The following GDAP1 variants were observed in gnomAD, a reference collection of about 807,000 sequenced individuals.
GDAP1 encodes ganglioside induced differentiation associated protein 1.
Under a neutral mutation model 40.1 loss-of-function variants are expected in GDAP1, and 34 were observed. The observed-to-expected ratio is 0.85, with a 90% CI of 0.64 to 1.13. GDAP1 has a LOEUF of 1.13. Ranked by LOEUF, GDAP1 falls within the 50% of genes most tolerant of loss-of-function variation. GDAP1 has a pLI of 0.00. For synonymous variants in GDAP1, 170 were observed against 157.4 expected, an observed-to-expected ratio of 1.08 and a Z score of -0.60; for missense variants, 374 against 433.7, an observed-to-expected ratio of 0.86 and a Z score of 1.22.
At chr8:74,387,801 C>T (rs1419912960) in intron 2 of GDAP1, among the ~76,000 whole-genome samples, 1 of 152,168 alleles carries the variant, frequency 6.6e-6, no homozygotes, top group Non-Finnish European at 1.5e-5. Context: ...GCTTTGAATC[C>T]ATCTGGTTCT....
intron 2 of GDAP1, among the ~76,000 whole-genome samples, chr8:74,486,571 A>G (rs947894772): frequency 7.9e-5 from 12 of 152,198 alleles, no homozygotes; most frequent in African/African-American, 2.7e-4. Context: ...GATTCTCAAA[A>G]ATCCAGAAAA....
rs2131569483 is a variant in GDAP1 at position 74,437,979 on chromosome 8, G to A, written c.166-50699G>A. On this transcript the variant is annotated intron_variant, in intron 2 of 2. Coordinates refer to the GDAP1 transcript ENST00000523640. ...TTCACTGTGGTATGTAGGAATAGAA[G>A]GGCTGAGTAGGCCGGGCATGGTGGC... Among the ~76,000 whole-genome samples, 2 of 152,226 alleles carry A rather than the reference G, an allele frequency of 1.3e-5. 1 individual carries two copies. Among genetic ancestry groups the A allele is most frequent in the South Asian group, 4.2e-4 (2 of 4,814 alleles).
chr8:74,480,903 C>G (rs1209369257), intron 2 of GDAP1, among the ~76,000 whole-genome samples: 3 of 152,154 alleles, frequency 2.0e-5, no homozygotes, highest in African/African-American at 7.2e-5. Flanking sequence ...CATCTTGGAT[C>G]CAGTAGAACT....
At chr8:74,484,607 C>T (rs951966897) in intron 2 of GDAP1, among the ~76,000 whole-genome samples, 1 of 152,070 alleles carries the variant, frequency 6.6e-6, no homozygotes, top group African/African-American at 2.4e-5. Flanking sequence ...ATGCTTTTCC[C>T]ATTTCAGAAA....
intron 2 of GDAP1, among the ~76,000 whole-genome samples, chr8:74,466,375 CT>C (rs1409670198): frequency 6.6e-6 from 1 of 152,114 alleles, no homozygotes; most frequent in East Asian, 1.9e-4. Context: ...AACAGATTTA[CT>C]TTGGCTTTGT....
intron 2 of GDAP1, among the ~76,000 whole-genome samples, chr8:74,376,450 G>A (rs915961000): frequency 6.7e-5 from 10 of 150,108 alleles, no homozygotes; most frequent in Admixed American, 1.4e-4. Context: ...CCGGGTTCAC[G>A]CCATTCTCCT....
intron 2 of GDAP1, among the ~76,000 whole-genome samples, chr8:74,474,516 T>G (rs1381415395): frequency 6.6e-6 from 1 of 152,216 alleles, no homozygotes; most frequent in Non-Finnish European, 1.5e-5. Context: ...ATACTGAATT[T>G]TATTGAAAGC....
chr8:74,424,780 TAAC>T (rs995318056), intron 2 of GDAP1, among the ~76,000 whole-genome samples: 8 of 152,198 alleles, frequency 5.3e-5, no homozygotes, highest in African/African-American at 1.4e-4. Context: ...CAAAAATAGA[TAAC>T]AACCTCTGGT....
chr8:74,486,470 A>G (rs1364969896), intron 2 of GDAP1, among the ~76,000 whole-genome samples: 1 of 152,202 alleles, frequency 6.6e-6, no homozygotes, highest in Non-Finnish European at 1.5e-5. Flanking sequence ...AGTGCTTTGC[A>G]TAATGCACTT....
chr8:74,433,709 G>T (rs939542147), intron 2 of GDAP1, among the ~76,000 whole-genome samples: 4 of 152,032 alleles, frequency 2.6e-5, no homozygotes, highest in Non-Finnish European at 4.4e-5. Context: ...CATTTCCTTT[G>T]GCTATCGGGA....
At chr8:74,469,752 G>A (rs1806522860) in intron 2 of GDAP1, among the ~76,000 whole-genome samples, 1 of 151,552 alleles carries the variant, frequency 6.6e-6, no homozygotes, top group African/African-American at 2.4e-5. Context: ...GAGGTGGGCG[G>A]ATCACCTGAG....
intron 2 of GDAP1, among the ~76,000 whole-genome samples, chr8:74,450,562 G>T (rs534191887): frequency 6.6e-6 from 1 of 151,864 alleles, no homozygotes; most frequent in South Asian, 2.1e-4. Context: ...CATTTCTCTG[G>T]TAGTATTTTG....
chr8:74,415,131 G>C (rs1048092468), intron 2 of GDAP1, among the ~76,000 whole-genome samples: 3 of 149,948 alleles, frequency 2.0e-5, no homozygotes, highest in Non-Finnish European at 4.4e-5. Flanking sequence ...ATGAAGCAAA[G>C]CTGCTTTAAA....
chr8:74,350,557 G>C lies in GDAP1; in HGVS notation c.96G>C (p.Thr32=), dbSNP rs970527964. The part of the protein sequence containing the change: ...AEVKLILYHW[T]HSFSSQKVRL... ...TTAAGCTCATTCTGTACCATTGGACGCATTCCTTCAGCTCTCAAAAGGTAC... is the reference window on the plus strand; with the variant it reads ...TTAAGCTCATTCTGTACCATTGGACCCATTCCTTCAGCTCTCAAAAGGTAC... Residue 32 remains threonine, a synonymous_variant, in exon 1 of 6, where the codon ACG becomes ACC. Transcript: ENST00000220822. The C allele has an allele frequency of 6.2e-7, 1 of 1,605,684 alleles. No homozygotes were observed. Among genetic ancestry groups the C allele is most frequent in the Non-Finnish European group, 8.5e-7 (1 of 1,172,344 alleles).
At chr8:74,396,535 GT>G (rs1810202659) in intron 2 of GDAP1, among the ~76,000 whole-genome samples, 1 of 151,338 alleles carries the variant, frequency 6.6e-6, no homozygotes, top group Non-Finnish European at 1.5e-5. Context: ...TCCCCAGAGT[GT>G]GATGTTCCCC....
At chr8:74,456,697 T>C (rs752163336) in intron 2 of GDAP1, among the ~76,000 whole-genome samples, 30 of 151,956 alleles carry the variant, frequency 2.0e-4, no homozygotes, top group Middle Eastern at 3.2e-3. Context: ...GTGGTGCATG[T>C]TGACACTGAA....
chr8:74,461,686 C>G (rs1221350891), intron 2 of GDAP1, among the ~76,000 whole-genome samples: 1 of 152,176 alleles, frequency 6.6e-6, no homozygotes, highest in African/African-American at 2.4e-5. Flanking sequence ...TGGATAGATT[C>G]TGATTATGCT....
At chr8:74,378,098 A>G (rs546682480) in intron 2 of GDAP1, among the ~76,000 whole-genome samples, 1 of 152,212 alleles carries the variant, frequency 6.6e-6, no homozygotes, top group Non-Finnish European at 1.5e-5. Flanking sequence ...CATGAGTGAG[A>G]GTCCCCCAAA....
chr8:74,387,239 G>A lies in GDAP1; in HGVS notation c.165+35918G>A, dbSNP rs189558083. Among the ~76,000 whole-genome samples, 816 of 152,324 alleles carry A rather than the reference G, an allele frequency of 5.4e-3. 4 individuals are homozygous for A. Among genetic ancestry groups the A allele is most frequent in the Non-Finnish European group, 7.8e-3 (534 of 68,028 alleles). On this transcript the variant is annotated intron_variant, in intron 2 of 2. Transcript: ENST00000523640. ...TATGTTGAATAGGAGTGGTGAGAGA[G>A]GGCATCCTTGTCTTGTGCCGGTTTT...
Sources: gnomAD v4.1 joint callset for allele counts (sites outside exome capture counted in the v4.1 genomes callset) on GRCh38, gnomAD v4.1.1 for gene constraint, MANE v1.5 for transcripts, NCBI Gene and HGNC (gene_info 2026-07-23, HGNC 2026-07-21) for gene names.